The following DAB1 variants were observed in gnomAD, a reference collection of about 807,000 sequenced individuals.
DAB1 encodes DAB adaptor protein 1.
DAB1 carries 15 observed loss-of-function variants against 64.6 expected under a neutral mutation model. The ratio of observed to expected loss-of-function variants is 0.23; its 90% CI spans 0.16 to 0.36. DAB1 has a LOEUF of 0.36. Ranked by LOEUF, DAB1 falls within the 10% of genes least tolerant of loss-of-function variation. The probability of loss-of-function intolerance (pLI) is 1.00; values close to 1 mark genes in which losing one functional copy is unlikely to be tolerated. For missense variants in DAB1, 596 were observed against 706.7 expected, an observed-to-expected ratio of 0.84 and a Z score of 1.78; for synonymous variants, 235 against 251.9, an observed-to-expected ratio of 0.93 and a Z score of 0.64.
intron 4 of DAB1, among the ~76,000 whole-genome samples, chr1:58,204,619 A>G (rs1393726561): frequency 6.6e-6 from 1 of 152,194 alleles, no homozygotes; most frequent in Non-Finnish European, 1.5e-5. Flanking sequence ...AAAGTTCTTC[A>G]GAGTTGTCTC....
chr1:57,451,781 G>A lies in DAB1; in HGVS notation n.626-160615C>T, dbSNP rs150166893. Reference sequence around the variant, plus strand: ...AATCAGGTTTTTTCTCTCTTTTTGCGGGGAGAGGGTGAAAATCCTTGTAGG... The same window carrying A: ...AATCAGGTTTTTTCTCTCTTTTTGCAGGGAGAGGGTGAAAATCCTTGTAGG... On this transcript the variant is annotated intron_variant and non_coding_transcript_variant, in intron 7 of 20. Coordinates refer to the DAB1 transcript ENST00000485760. Among the ~76,000 whole-genome samples the A allele has an allele frequency of 7.8e-3, 1,194 of 152,140 alleles. 17 individuals carry two copies. Among genetic ancestry groups the A allele is most frequent in the African/African-American group, 0.027 (1,126 of 41,494 alleles).
chr1:57,684,108 AT>A (rs1646667399), intron 6 of DAB1, among the ~76,000 whole-genome samples: 1 of 152,198 alleles, frequency 6.6e-6, no homozygotes, highest in African/African-American at 2.4e-5. Context: ...CCTTCAAGAA[AT>A]GTGGCATTAT....
chr1:58,106,324 C>T (rs1651638993), intron 5 of DAB1, among the ~76,000 whole-genome samples: 1 of 151,874 alleles, frequency 6.6e-6, no homozygotes. Context: ...ACTACATGCA[C>T]ACACACCACC....
rs141059401 is a variant in DAB1 at position 58,506,080 on chromosome 1, A to G, written n.237T>C. 5.1e-4 allele frequency: 443 copies of G among 871,448 alleles called. 1 individual carries two copies. The African/African-American group carries it at 5.6e-3, about 11-fold the overall frequency. The allele number at this position is 871,448 out of a possible 1,614,324, so 54.0% of individuals were successfully genotyped here. The stretch of plus-strand genomic sequence containing the variant: ...CTCACCTGAGGTATAAGTCTATCCA[A>G]GTACTCAACTCGATTGCCATGAGAA... On this transcript the variant is annotated non_coding_transcript_exon_variant, in exon 3 of 21. Transcript: ENST00000485760.
chr1:57,360,967 A>T (rs1260575344), intron 1 of DAB1, among the ~76,000 whole-genome samples: 1 of 152,134 alleles, frequency 6.6e-6, no homozygotes, highest in Non-Finnish European at 1.5e-5. Flanking sequence ...GGTAAAAAGC[A>T]GCCCCTCCCG....
intron 5 of DAB1, among the ~76,000 whole-genome samples, chr1:58,047,623 C>G (rs923883592): frequency 2.0e-5 from 3 of 152,224 alleles, no homozygotes; most frequent in Non-Finnish European, 4.4e-5. Flanking sequence ...AGAGCCACCT[C>G]TCATTCACTA....
At chr1:57,089,831 T>G (rs1284577241) in intron 4 of DAB1, among the ~76,000 whole-genome samples, 1 of 152,230 alleles carries the variant, frequency 6.6e-6, no homozygotes, top group Admixed American at 6.5e-5. Context: ...CTTTACAGTC[T>G]TGTCCCAGAA....
chr1:57,502,212 C>G (rs1316063228), intron 7 of DAB1, among the ~76,000 whole-genome samples: 1 of 149,596 alleles, frequency 6.7e-6, no homozygotes, highest in East Asian at 2.0e-4. Context: ...CCCAGCTACT[C>G]AGGAGGCTGA....
rs982204547 is a variant in DAB1 at position 58,105,318 on chromosome 1, A to G, written n.387+45193T>C. On this transcript the variant is annotated intron_variant and non_coding_transcript_variant, in intron 5 of 20. Transcript: ENST00000485760. ...AGCAAGACCCCATCTGTAAACACTCATCGGCACCCATTAGAAGGACCTTCC... is the reference window on the plus strand; with the variant it reads ...AGCAAGACCCCATCTGTAAACACTCGTCGGCACCCATTAGAAGGACCTTCC... 1.8e-4 allele frequency among the ~76,000 whole-genome samples: 28 copies of G among 152,340 alleles called. 1 individual carries two copies. The highest frequency in any genetic ancestry group is 1.8e-3 in the Admixed American group (27 of 15,302).
chr1:57,190,498 T>A (rs1569830909), intron 2 of DAB1, among the ~76,000 whole-genome samples: 1 of 142,556 alleles, frequency 7.0e-6, no homozygotes, highest in East Asian at 2.0e-4. Context: ...AATCCAGGTT[T>A]TCAAGACTTT....
At chr1:58,023,580 C>G (rs960431369) in intron 5 of DAB1, among the ~76,000 whole-genome samples, 3 of 152,164 alleles carry the variant, frequency 2.0e-5, no homozygotes, top group Non-Finnish European at 2.9e-5. Context: ...CTCTGCAAGT[C>G]TAGTTCTCAG....
intron 6 of DAB1, among the ~76,000 whole-genome samples, chr1:57,768,021 A>T (rs553977259): frequency 6.6e-6 from 1 of 151,868 alleles, no homozygotes; most frequent in South Asian, 2.1e-4. Flanking sequence ...AACTAAAAAT[A>T]CAAACATTAG....
intron 1 of DAB1, among the ~76,000 whole-genome samples, chr1:57,421,003 T>C (rs1343570354): frequency 6.6e-6 from 1 of 152,204 alleles, no homozygotes; most frequent in African/African-American, 2.4e-5. Flanking sequence ...TTGACTTGAG[T>C]GAATTATCAA....
At chr1:58,447,978 C>G (rs1157475380) in intron 3 of DAB1, among the ~76,000 whole-genome samples, 1 of 151,898 alleles carries the variant, frequency 6.6e-6, no homozygotes, top group Non-Finnish European at 1.5e-5. Context: ...CCTTGCCATT[C>G]CCCCGGGGGA....
At chr1:57,695,256 A>AGAAGGAAG (rs1175021391) in intron 6 of DAB1, among the ~76,000 whole-genome samples, 1 of 32,336 alleles carries the variant, frequency 3.1e-5, no homozygotes, top group Non-Finnish European at 4.8e-5. Flanking sequence ...AAAGAAAGAA[A>AGAAGGAAG]GAAGGAAGGA....
chr1:58,134,851 C>T (rs1003365781), intron 5 of DAB1, among the ~76,000 whole-genome samples: 3 of 152,244 alleles, frequency 2.0e-5, no homozygotes, highest in South Asian at 4.2e-4. Context: ...CAGAGCCAAA[C>T]CATATCATGA....
chr1:58,222,493 A>C (rs1421208260), intron 4 of DAB1, among the ~76,000 whole-genome samples: 1 of 152,220 alleles, frequency 6.6e-6, no homozygotes, highest in African/African-American at 2.4e-5. Context: ...AGTTATGATG[A>C]TAATAGTTAT....
intron 4 of DAB1, among the ~76,000 whole-genome samples, chr1:58,252,545 G>A (rs1408762175): frequency 6.6e-6 from 1 of 152,166 alleles, no homozygotes; most frequent in Non-Finnish European, 1.5e-5. Context: ...CTTAGCAACA[G>A]GAGGAAAGGT....
intron 6 of DAB1, among the ~76,000 whole-genome samples, chr1:57,735,335 A>G (rs1011668068): frequency 4.6e-5 from 7 of 152,196 alleles, no homozygotes; most frequent in African/African-American, 7.2e-5. Context: ...GTGAATAAGA[A>G]TAATTCCTGC....
Sources: allele counts gnomAD v4.1 joint callset (sites outside exome capture counted in the v4.1 genomes callset), GRCh38; gene constraint gnomAD v4.1.1; transcripts MANE v1.5; gene names NCBI Gene and HGNC (gene_info 2026-07-23, HGNC 2026-07-21).